KCNH6: variants seen among roughly 807,000 people sequenced by gnomAD.
KCNH6 encodes the protein potassium voltage-gated channel subfamily H member 6, also known as voltage-gated inwardly rectifying potassium channel KCNH6.
A neutral mutation model predicts 83.4 loss-of-function variants in KCNH6; 81 were observed. The ratio of observed to expected loss-of-function variants is 0.97; its 90% CI spans 0.81 to 1.17. KCNH6 has a LOEUF of 1.17. KCNH6 is among the 50% of genes most tolerant of loss of function. The probability of loss-of-function intolerance (pLI) is 0.00; values close to 1 mark genes in which losing one functional copy is unlikely to be tolerated. For missense variants in KCNH6, 1,203 were observed against 1,290.5 expected, an observed-to-expected ratio of 0.93 and a Z score of 1.04; for synonymous variants, 503 against 545.6, an observed-to-expected ratio of 0.92 and a Z score of 1.09.
chr17:63,541,892 C>T lies in KCNH6; in HGVS notation c.1955-349C>T, dbSNP rs557234407. Among the ~76,000 whole-genome samples the T allele has an allele frequency of 5.3e-5, 8 of 152,298 alleles. No individual in the cohort carries two copies. The South Asian group carries it at 8.3e-4, about 16-fold the overall frequency. On this transcript the variant is annotated intron_variant, in intron 8 of 12. Transcript: ENST00000314672. ...ACTGGCAGGCCAAGCAGCAGGAAGA[C>T]GTTGAGACAGATGTTGAGCCTTTAG...
At chr17:63,543,503 C>A in intron 9 of KCNH6, 73 bp from the exon 10 acceptor site, 1 of 906,834 alleles carries the variant, frequency 1.1e-6, no homozygotes, top group South Asian at 1.4e-5. Flanking sequence ...ACCATGGGGT[C>A]AGGGCAGGGA....
intron 8 of KCNH6, among the ~76,000 whole-genome samples, chr17:63,541,699 A>G (rs2032871140): frequency 6.6e-6 from 1 of 152,154 alleles, no homozygotes; most frequent in African/African-American, 2.4e-5. Flanking sequence ...TTAGAGATGA[A>G]GACTCTGGGG....
intron 4 of KCNH6, among the ~76,000 whole-genome samples, chr17:63,532,886 C>T (rs538316684): frequency 6.6e-6 from 1 of 152,244 alleles, no homozygotes; most frequent in Non-Finnish European, 1.5e-5. Context: ...CACCTGCCAT[C>T]TCCATGAGAA....
At chr17:63,543,744 C>T in intron 10 of KCNH6, 84 bp downstream of exon 10, 1 of 842,410 alleles carries the variant, frequency 1.2e-6, no homozygotes, top group Middle Eastern at 2.7e-4. Flanking sequence ...CATCCTGCCT[C>T]CCCAGCGCCA....
chr17:63,538,480 A>G lies in KCNH6; in HGVS notation c.1772A>G (p.His591Arg). Residue 591 changes from histidine (H) to arginine (R), a missense_variant, in exon 8 of 13, where the codon CAC becomes CGC. Coordinates refer to ENST00000314672, the MANE Select transcript of KCNH6 (RefSeq NM_001278919.2). The surrounding 1 kb of genome is among the most constrained non-coding windows in gnomAD (Gnocchi z 4.0). ...CACCTGCACCGCGCACTGCTGCAGC[A>G]CTGCCCAGCTTTCAGCGGCGCCGGC... ...CLHLHRALLQ[H>R]CPAFSGAGKG... is the part of the protein sequence containing the mutation. 6.2e-7 allele frequency: 1 copy of G among 1,604,838 alleles called. No homozygotes were observed. Among genetic ancestry groups the G allele is most frequent in the South Asian group, 1.1e-5 (1 of 89,996 alleles).
chr17:63,545,518 G>A (rs777129064), intron 12 of KCNH6, 91 bp from the exon 13 acceptor site: 3 of 1,348,426 alleles, frequency 2.2e-6, no homozygotes, highest in Non-Finnish European at 3.1e-6. Context: ...GGAAGGGCAG[G>A]TACAATTTTT....
At position 63,524,340 on chromosome 17, in the gene KCNH6, A is replaced by C; in HGVS notation, c.278A>C (p.Lys93Thr). The C allele has an allele frequency of 6.2e-7, 1 of 1,613,736 alleles. No homozygotes were observed. Among genetic ancestry groups the C allele is most frequent in the African/African-American group, 1.3e-5 (1 of 75,032 alleles). The change falls in exon 2 of 13, where the codon AAG becomes ACG. Residue 93 changes from lysine to threonine, a missense_variant. Physicochemically the swap from Lys to Thr is moderately conservative, Grantham distance 78 (BLOSUM62 -1). Transcript: ENST00000314672. ...GCCCTGCTGGGGGCTGAGGAGTGCAAGGTGGACATCCTCTACTACCGCAAG... is the reference window on the plus strand; with the variant it reads ...GCCCTGCTGGGGGCTGAGGAGTGCACGGTGGACATCCTCTACTACCGCAAG... The part of the protein sequence containing the change: ...AQALLGAEEC[K>T]VDILYYRKDA...
In KCNH6 at chr17:63,538,304, G is replaced by GT; in HGVS notation, c.1701+40_1701+41insT. 6.2e-7 allele frequency: 1 copy of GT among 1,612,302 alleles called. No homozygotes were observed. ...TCCGGCTAATGCCCCGGGCGTGGGG[G>GT]GGAGCCAAGATCCTGCGGGGGCGGG... On this transcript the variant is annotated intron_variant, in intron 7 of 12. Coordinates refer to ENST00000314672, the MANE Select transcript of KCNH6 (RefSeq NM_001278919.2). The surrounding 1 kb of genome is among the most constrained non-coding windows in gnomAD (Gnocchi z 4.0).
chr17:63,531,689 G>A (rs1306204202), intron 4 of KCNH6, among the ~76,000 whole-genome samples: 1 of 152,216 alleles, frequency 6.6e-6, no homozygotes, highest in Non-Finnish European at 1.5e-5. Flanking sequence ...GCCTGACCCT[G>A]GGAAGCCCCC....
chr17:63,534,783 T>C lies in KCNH6; in HGVS notation c.1101+472T>C, dbSNP rs2032374710. On this transcript the variant is annotated intron_variant, in intron 5 of 12. Coordinates refer to ENST00000314672, the MANE Select transcript of KCNH6 (RefSeq NM_001278919.2). This position sits in a 1 kb window ranked among gnomAD's most constrained non-coding sequence, Gnocchi z 5.0. ...TAGCTTCCAGTCCCACGGTCTCCTCTTGCCCCCTCTCCTCACGATCAGCTT... is the reference window on the plus strand; with the variant it reads ...TAGCTTCCAGTCCCACGGTCTCCTCCTGCCCCCTCTCCTCACGATCAGCTT... 6.6e-6 allele frequency among the ~76,000 whole-genome samples: 1 copy of C among 151,792 alleles called. No individual in the cohort carries two copies. The highest frequency in any genetic ancestry group is 1.5e-5 in the Non-Finnish European group (1 of 67,906).
At chr17:63,545,056 A>T in intron 11 of KCNH6, 22 bp from the exon 12 acceptor site, 1 of 1,609,390 alleles carries the variant, frequency 6.2e-7, no homozygotes, top group East Asian at 2.2e-5. Flanking sequence ...CCTGACCCTG[A>T]CTGTGGGGTT....
intron 6 of KCNH6, among the ~76,000 whole-genome samples, chr17:63,536,954 A>G (rs2032540880): frequency 1.1e-5 from 1 of 87,676 alleles, no homozygotes; most frequent in Non-Finnish European, 2.7e-5. Context: ...CTCCGTCTCA[A>G]AAAAAAAAAA....
intron 2 of KCNH6, among the ~76,000 whole-genome samples, chr17:63,525,740 C>T (rs139371371): frequency 8.1e-4 from 123 of 152,240 alleles, no homozygotes; most frequent in African/African-American, 2.9e-3. Flanking sequence ...CAGGCAGCGG[C>T]AGCCAGGAAG....
Position 63,538,123 on chromosome 17 carries a change from G to A in KCNH6, c.1560G>A (p.Ser520=), listed in dbSNP as rs760907803. 2 of 1,614,086 alleles carry A rather than the reference G, an allele frequency of 1.2e-6. No individual in the cohort carries two copies. Among genetic ancestry groups the A allele is most frequent in the Admixed American group, 3.3e-5 (2 of 60,026 alleles). Residue 520 remains serine, a synonymous_variant, in exon 7 of 13, where the codon TCG becomes TCA. Transcript: ENST00000314672. The surrounding 1 kb of genome is among the most constrained non-coding windows in gnomAD (Gnocchi z 4.0). ...CCGCGATCATCCAGCGCCTGTACTC[G>A]GGCACCGCGCGCTACCACACGCAGA... is the stretch of plus-strand genomic sequence containing the variant. The part of the protein sequence containing the change: ...NVSAIIQRLY[S]GTARYHTQML...
rs576138497 is a variant in KCNH6 at position 63,534,827 on chromosome 17, G to A, written c.1101+516G>A. 1.2e-4 allele frequency among the ~76,000 whole-genome samples: 18 copies of A among 152,108 alleles called. No homozygotes were observed. The highest frequency in any genetic ancestry group is 4.3e-4 in the African/African-American group (18 of 41,470). The stretch of plus-strand genomic sequence containing the variant: ...TCAGCTTTTCACTGAAATCAACTCT[G>A]CCTTCTGTGTTCCAGTGCCCCCTTA... On this transcript the variant is annotated intron_variant, in intron 5 of 12. Coordinates refer to ENST00000314672, the MANE Select transcript of KCNH6 (RefSeq NM_001278919.2). This position sits in a 1 kb window ranked among gnomAD's most constrained non-coding sequence, Gnocchi z 5.0.
At position 63,524,261 on chromosome 17, in the gene KCNH6, G is replaced by C. The variant is rs781114824; in HGVS notation, c.199G>C (p.Asp67His). Residue 67 changes from aspartate (D) to histidine (H), a missense_variant, in exon 2 of 13, where the codon GAC (aspartate) becomes CAC (histidine). Physicochemically the swap from Asp to His is moderately conservative, Grantham distance 81 (BLOSUM62 -1). Coordinates refer to ENST00000314672, the MANE Select transcript of KCNH6 (RefSeq NM_001278919.2). Reference protein sequence around the residue: ...VEVMQQPCTCDFLTGPNTPSS... With the variant: ...VEVMQQPCTCHFLTGPNTPSS... ...GGTGATGCAGCAACCCTGCACCTGC[G>C]ACTTCCTCACAGGCCCCAACACACC... is the stretch of plus-strand genomic sequence containing the variant. 1 of 1,613,912 alleles carries C rather than the reference G, an allele frequency of 6.2e-7. No homozygotes were observed. The highest frequency in any genetic ancestry group is 1.3e-5 in the African/African-American group (1 of 74,916).
chr17:63,533,968 G>A lies in KCNH6; in HGVS notation c.758G>A (p.Ser253Asn). ...CACCGCTGGACCATCCTGCACTACA[G>A]CCCCTTCAAGGCCGTGTGGGACTGG... The part of the protein sequence containing the change: ...RIHRWTILHY[S>N]PFKAVWDWLI... Residue 253 changes from serine (S) to asparagine (N), a missense_variant, in exon 5 of 13, where the codon AGC becomes AAC. Physicochemically the swap from Ser to Asn is conservative, Grantham distance 46 (BLOSUM62 1). Transcript: ENST00000314672. This position sits in a 1 kb window ranked among gnomAD's most constrained non-coding sequence, Gnocchi z 4.1. 6.2e-7 allele frequency: 1 copy of A among 1,614,134 alleles called. No homozygotes were observed. The highest frequency in any genetic ancestry group is 8.5e-7 in the Non-Finnish European group (1 of 1,180,006).
At chr17:63,526,638 T>C (rs1207114389) in intron 2 of KCNH6, among the ~76,000 whole-genome samples, 1 of 152,112 alleles carries the variant, frequency 6.6e-6, no homozygotes, top group Non-Finnish European at 1.5e-5. Context: ...ATCCTAATGG[T>C]GATTTCTTTC....
chr17:63,545,299 C>T (rs754910040), intron 12 of KCNH6, 35 bp downstream of exon 12: 29 of 1,599,986 alleles, frequency 1.8e-5, no homozygotes, highest in East Asian at 6.7e-5. Context: ...GGCTTACCTG[C>T]GAGCAGCTGC....
Sources: allele counts gnomAD v4.1 joint callset (sites outside exome capture counted in the v4.1 genomes callset), GRCh38; gene constraint gnomAD v4.1.1; non-coding constraint Gnocchi (gnomAD v3.1); transcripts MANE v1.5; gene names NCBI Gene and HGNC (gene_info 2026-07-23, HGNC 2026-07-21).